BAZ1A: variants seen among roughly 807,000 people sequenced by gnomAD.
BAZ1A encodes bromodomain adjacent to zinc finger domain protein 1A.
Under a neutral mutation model 185.2 loss-of-function variants are expected in BAZ1A, and 50 were observed. That is an observed-to-expected ratio of 0.27 (90% CI 0.22 to 0.34). The LOEUF is 0.34. Ranked by LOEUF, BAZ1A falls within the 10% of genes least tolerant of loss-of-function variation. The probability of loss-of-function intolerance (pLI) is 1.00; values close to 1 mark genes in which losing one functional copy is unlikely to be tolerated. For synonymous variants in BAZ1A, 571 were observed against 615.6 expected (o/e 0.93, Z 1.07); for missense variants, 1,356 against 1,839.9 (o/e 0.74, Z 4.81).
At chr14:34,774,660 G>A (rs1879468314) in intron 18 of BAZ1A, among the ~76,000 whole-genome samples, 170 bp from the exon 19 acceptor site, 1 of 152,124 alleles carries the variant, frequency 6.6e-6, no homozygotes, top group South Asian at 2.1e-4. Context: ...TAAAGCCCTT[G>A]TACAGCTACT....
chr14:34,863,876 ACT>A, intron 2 of BAZ1A, among the ~76,000 whole-genome samples: 1 of 151,432 alleles, frequency 6.6e-6, no homozygotes, highest in South Asian at 2.1e-4. Context: ...AGAGAGTCTC[ACT>A]CTGTTGTCCA....
chr14:34,784,272 G>A (rs1880257231), intron 14 of BAZ1A, among the ~76,000 whole-genome samples: 1 of 147,200 alleles, frequency 6.8e-6, no homozygotes, highest in African/African-American at 2.6e-5. Context: ...GGAGGCTGAG[G>A]TTGGAGAATT....
intron 19 of BAZ1A, 36 bp from the exon 20 acceptor site, chr14:34,773,762 T>C: frequency 6.2e-7 from 1 of 1,600,552 alleles, no homozygotes; most frequent in Non-Finnish European, 8.5e-7. Context: ...CCATGAAAAA[T>C]GGAATATATT....
intron 24 of BAZ1A, among the ~76,000 whole-genome samples, chr14:34,761,079 G>A (rs1215914995): frequency 2.0e-5 from 3 of 152,100 alleles, no homozygotes; most frequent in Non-Finnish European, 4.4e-5. Flanking sequence ...AGGAGTTCAA[G>A]ACCAGCCTGG....
chr14:34,867,998 TAACA>T (rs1292554651), intron 2 of BAZ1A, among the ~76,000 whole-genome samples: 4 of 152,244 alleles, frequency 2.6e-5, no homozygotes, highest in African/African-American at 9.6e-5. Context: ...GCAAAAATGA[TAACA>T]TACAAAGTAT....
At chr14:34,797,824 GAAGCAGGGCGAGCCA>G (rs1188435227) in intron 9 of BAZ1A, among the ~76,000 whole-genome samples, 3 of 152,010 alleles carry the variant, frequency 2.0e-5, no homozygotes, top group African/African-American at 4.8e-5. Context: ...AGGGCGAGCC[GAAGCAGGGCGAGCCA>G]AAGCAGGGCG....
At chr14:34,814,716 T>A (rs978427376) in intron 4 of BAZ1A, among the ~76,000 whole-genome samples, 1 of 151,878 alleles carries the variant, frequency 6.6e-6, no homozygotes, top group Non-Finnish European at 1.5e-5. Flanking sequence ...GCTCAAGCAA[T>A]GCTCCCACCT....
intron 4 of BAZ1A, among the ~76,000 whole-genome samples, chr14:34,817,815 A>G (rs755233513): frequency 1.2e-4 from 19 of 152,360 alleles, no homozygotes; most frequent in Non-Finnish European, 2.2e-4. Flanking sequence ...AAGGATGACT[A>G]TAATTTTTAA....
intron 21 of BAZ1A, 116 bp from the exon 22 acceptor site, chr14:34,765,384 A>G (rs1878772311): frequency 7.7e-7 from 1 of 1,294,396 alleles, no homozygotes. Context: ...TTCTTCTGAT[A>G]CTTAACAAAA....
At chr14:34,827,271 GT>G in intron 3 of BAZ1A, among the ~76,000 whole-genome samples, 1 of 152,292 alleles carries the variant, frequency 6.6e-6, no homozygotes, top group South Asian at 2.1e-4. Flanking sequence ...TGAGTGTTCT[GT>G]TTATGTCTGT....
chr14:34,825,865 G>A, intron 4 of BAZ1A, 148 bp downstream of exon 4: 1 of 677,836 alleles, frequency 1.5e-6, no homozygotes, highest in Non-Finnish European at 2.2e-6. Context: ...TTGAACCTGG[G>A]AGGTGGAAGT....
chr14:34,770,621 A>G lies in BAZ1A; in HGVS notation c.3301+890T>C, dbSNP rs183574491. Reference sequence around the variant, plus strand: ...TCTCAAAAAAACAACAGGGAATTAGAGACAGTTATGATATAAACATTGATT... The same window carrying G: ...TCTCAAAAAAACAACAGGGAATTAGGGACAGTTATGATATAAACATTGATT... On this transcript the variant is annotated intron_variant, in intron 21 of 26. Coordinates refer to ENST00000360310, the MANE Select transcript of BAZ1A (RefSeq NM_013448.3). Among the ~76,000 whole-genome samples, 6 of 152,364 alleles carry G rather than the reference A, an allele frequency of 3.9e-5. No individual in the cohort carries two copies. In the East Asian group the frequency reaches 1.2e-3, roughly 29 times the overall value.
chr14:34,849,130 A>G (rs2042559806), intron 3 of BAZ1A, among the ~76,000 whole-genome samples: 1 of 152,070 alleles, frequency 6.6e-6, no homozygotes, highest in South Asian at 2.1e-4. Context: ...ATCTATAAAC[A>G]ATTTTTAAAA....
intron 6 of BAZ1A, 103 bp from the exon 7 acceptor site, chr14:34,803,091 T>A: frequency 7.8e-7 from 1 of 1,274,912 alleles, no homozygotes; most frequent in Non-Finnish European, 1.1e-6. Flanking sequence ...TGTTAAAAGA[T>A]CAGGATAGGC....
At chr14:34,810,273 T>C (rs955750882) in intron 5 of BAZ1A, among the ~76,000 whole-genome samples, 7 of 152,156 alleles carry the variant, frequency 4.6e-5, no homozygotes, top group Admixed American at 1.3e-4. Context: ...CAGACAACAA[T>C]AGGGATTTTC....
At chr14:34,773,831 A>C in intron 19 of BAZ1A, 105 bp from the exon 20 acceptor site, 1 of 1,157,922 alleles carries the variant, frequency 8.6e-7, no homozygotes, top group South Asian at 1.4e-5. Context: ...ATATTTTAGA[A>C]ATGATTATGA....
intron 3 of BAZ1A, among the ~76,000 whole-genome samples, chr14:34,851,768 T>C (rs997586318): frequency 1.3e-5 from 2 of 149,016 alleles, no homozygotes; most frequent in African/African-American, 2.5e-5. Flanking sequence ...CTGGGCAACA[T>C]AGTGAAGTAA....
At chr14:34,790,964 A>G (rs890163566) in intron 12 of BAZ1A, among the ~76,000 whole-genome samples, 1 of 152,060 alleles carries the variant, frequency 6.6e-6, no homozygotes, top group Non-Finnish European at 1.5e-5. Context: ...CTCTACTAAA[A>G]ATACAATATT....
chr14:34,808,266 G>T (rs911141677), intron 5 of BAZ1A, among the ~76,000 whole-genome samples: 1 of 152,036 alleles, frequency 6.6e-6, no homozygotes, highest in African/African-American at 2.4e-5. Flanking sequence ...GGCTGAGGAG[G>T]GTGGATCACT....
Sources: gnomAD v4.1 joint callset for allele counts (sites outside exome capture counted in the v4.1 genomes callset) on GRCh38, gnomAD v4.1.1 for gene constraint, MANE v1.5 for transcripts, NCBI Gene and HGNC (gene_info 2026-07-23, HGNC 2026-07-21) for gene names.